Variants in ADAMTS9 observed in about 807,000 individuals in gnomAD.
The protein encoded by ADAMTS9 is A disintegrin and metalloproteinase with thrombospondin motifs 9.
In ADAMTS9, 107 loss-of-function variants were observed where a neutral mutation model predicts 257.1. The ratio of observed to expected loss-of-function variants is 0.42; its 90% CI spans 0.36 to 0.49. The LOEUF (loss-of-function observed/expected upper bound fraction) is 0.49, where lower values mean the gene tolerates loss of function less well. Ranked by LOEUF, ADAMTS9 falls within the 20% of genes least tolerant of loss-of-function variation. The pLI, the probability that ADAMTS9 is intolerant of heterozygous loss-of-function variation, is 0.03. For synonymous variants in ADAMTS9, 982 were observed against 880.9 expected (o/e 1.11, Z -2.03); for missense variants, 2,353 against 2,469.1 (o/e 0.95, Z 1.00).
intron 3 of ADAMTS9, among the ~76,000 whole-genome samples, chr3:64,666,976 G>A (rs1436553750): frequency 6.6e-6 from 1 of 152,156 alleles, no homozygotes; most frequent in Non-Finnish European, 1.5e-5. Context: ...GGGATACCCT[G>A]TCTCAACAAA....
chr3:64,536,370 C>T (rs1281295061), intron 37 of ADAMTS9, among the ~76,000 whole-genome samples: 5 of 152,224 alleles, frequency 3.3e-5, no homozygotes, highest in Non-Finnish European at 7.3e-5. Context: ...CTAAAGGGCA[C>T]ATGAGTTGTA....
intron 28 of ADAMTS9, chr3:64,587,065 A>T (rs1055509385): frequency 6.6e-6 from 1 of 152,012 alleles, no homozygotes; most frequent in African/African-American, 2.4e-5. Context: ...ATGAACTTGA[A>T]CTCTGAGATT....
At chr3:64,518,119 G>C (rs1370763991) in intron 39 of ADAMTS9, among the ~76,000 whole-genome samples, 8 of 152,158 alleles carry the variant, frequency 5.3e-5, no homozygotes, top group Admixed American at 5.2e-4. Flanking sequence ...CATGGTGTAG[G>C]GGGCAATGAT....
At chr3:64,629,677 T>C (rs1700318642) in intron 16 of ADAMTS9, among the ~76,000 whole-genome samples, 1 of 152,256 alleles carries the variant, frequency 6.6e-6, no homozygotes, top group Admixed American at 6.5e-5. Flanking sequence ...TTACTGTTTA[T>C]TGCCTATTGT....
intron 28 of ADAMTS9, among the ~76,000 whole-genome samples, chr3:64,569,465 C>T (rs567992381): frequency 1.6e-4 from 25 of 152,162 alleles, no homozygotes; most frequent in Admixed American, 3.9e-4. Context: ...AATGTGAAAA[C>T]GCAATGAAAA....
Position 64,607,227 on chromosome 3 carries a change from C to T in ADAMTS9, c.3355-148G>A, listed in dbSNP as rs200021494. The T allele has an allele frequency of 6.1e-5, 56 of 915,364 alleles. No homozygotes were observed. In the East Asian group the frequency reaches 1.3e-3, roughly 21 times the overall value. The allele number at this position is 915,364 out of a possible 1,614,324, so 56.7% of individuals were successfully genotyped here. On this transcript the variant is annotated intron_variant, in intron 22 of 39. Coordinates refer to ENST00000498707, the MANE Select transcript of ADAMTS9 (RefSeq NM_182920.2). ...AATAAACTAGGTCGAAGTGGGCAAT[C>T]CTGCTCTGTACAAATTATACTGATT...
chr3:64,546,251 T>TTC (rs2106921818), intron 32 of ADAMTS9, among the ~76,000 whole-genome samples: 1 of 152,340 alleles, frequency 6.6e-6, no homozygotes, highest in African/African-American at 2.4e-5. Flanking sequence ...ATTTTTTTTT[T>TTC]TTCAGATTTG....
At chr3:64,539,850 G>A (rs2083098288) in intron 36 of ADAMTS9, among the ~76,000 whole-genome samples, 1 of 152,218 alleles carries the variant, frequency 6.6e-6, no homozygotes, top group African/African-American at 2.4e-5. Context: ...GGGCTAGCCT[G>A]TAATTTTTTA....
chr3:64,626,893 C>T (rs77642808), intron 16 of ADAMTS9, among the ~76,000 whole-genome samples: 1 of 152,062 alleles, frequency 6.6e-6, no homozygotes, highest in Non-Finnish European at 1.5e-5. Context: ...GCTCCTGCAG[C>T]GCGAGACCCA....
chr3:64,648,680 T>G (rs1195044263), intron 10 of ADAMTS9, among the ~76,000 whole-genome samples: 1 of 152,216 alleles, frequency 6.6e-6, no homozygotes, highest in Non-Finnish European at 1.5e-5. Flanking sequence ...TTTCTGTAGC[T>G]TTTTCTCCCC....
Position 64,687,014 on chromosome 3 carries a change from T to C in ADAMTS9, c.116-46A>G. 6.4e-7 allele frequency: 1 copy of C among 1,562,408 alleles called. No individual in the cohort carries two copies. The highest frequency in any genetic ancestry group is 1.7e-4 in the Middle Eastern group (1 of 5,780). On this transcript the variant is annotated intron_variant, in intron 1 of 39. Transcript: ENST00000498707. The surrounding 1 kb of genome is among the most constrained non-coding windows in gnomAD (Gnocchi z 4.4). ...ATATGAACCAATAATTCATTTTTCC[T>C]TAAGCTTTAATTTAAAACGAAGGTG...
intron 38 of ADAMTS9, among the ~76,000 whole-genome samples, chr3:64,528,923 G>C (rs2082944079): frequency 6.6e-6 from 1 of 151,998 alleles, no homozygotes; most frequent in African/African-American, 2.4e-5. Flanking sequence ...GGCAGAGCCA[G>C]TGGGCACAGA....
In ADAMTS9 at chr3:64,658,719, G is replaced by A. The variant is rs1701147410; in HGVS notation, c.752C>T (p.Ala251Val). The A allele has an allele frequency of 1.9e-6, 3 of 1,614,010 alleles. No homozygotes were observed. The highest frequency in any genetic ancestry group is 2.5e-6 in the Non-Finnish European group (3 of 1,180,028). ...ARKWGERINL[A>V]GDVAALNSGL... is the part of the protein sequence containing the mutation. ...GCTGTTTAATGCTGCTACGTCACCA[G>A]CCAGGTTAATCCTTTCTCCCCATTT... Residue 251 changes from alanine (A) to valine (V), a missense_variant, in exon 4 of 40, where the codon GCT becomes GTT. Ala to Val is a moderately conservative substitution (Grantham distance 64). Around this residue, in one of 3 missense-constraint regions of ADAMTS9, gnomAD observed 591 missense variants for 569.6 expected, o/e 1.04. Coordinates refer to ENST00000498707, the MANE Select transcript of ADAMTS9 (RefSeq NM_182920.2).
At chr3:64,628,441 T>C (rs1317411236) in intron 16 of ADAMTS9, among the ~76,000 whole-genome samples, 2 of 152,192 alleles carry the variant, frequency 1.3e-5, no homozygotes, top group Admixed American at 6.5e-5. Flanking sequence ...AATTAATTTA[T>C]AAAGCAGGCT....
intron 4 of ADAMTS9, 140 bp from the exon 5 acceptor site, chr3:64,656,015 TCAACAA>T (rs1241492150): frequency 3.6e-6 from 2 of 558,332 alleles, no homozygotes; most frequent in East Asian, 5.9e-5. Context: ...TTTCATTCAC[TCAACAA>T]CACTTTTTGT....
intron 3 of ADAMTS9, among the ~76,000 whole-genome samples, chr3:64,677,268 C>G (rs1559823970): frequency 6.6e-6 from 1 of 151,960 alleles, no homozygotes; most frequent in Non-Finnish European, 1.5e-5. Flanking sequence ...CATCGTGAAC[C>G]CTAAAGAACT....
Position 64,658,708 on chromosome 3 carries a change from C to T in ADAMTS9, c.763G>A (p.Ala255Thr). 1 of 1,614,166 alleles carries T rather than the reference C, an allele frequency of 6.2e-7. No homozygotes were observed. Among genetic ancestry groups the T allele is most frequent in the Non-Finnish European group, 8.5e-7 (1 of 1,180,032 alleles). Residue 255 changes from alanine (A) to threonine (T), a missense_variant, in exon 4 of 40, where the codon GCA becomes ACA. Physicochemically the swap from Ala to Thr is moderately conservative, Grantham distance 58 (BLOSUM62 0). Transcript: ENST00000498707. ...GERINLAGDVAALNSGLATEA... is the reference protein window; with the variant it reads ...GERINLAGDVTALNSGLATEA... ...GTTGCTAAGCCGCTGTTTAATGCTG[C>T]TACGTCACCAGCCAGGTTAATCCTT... is the stretch of plus-strand genomic sequence containing the variant.
chr3:64,610,003 C>T (rs1056362730), intron 22 of ADAMTS9, among the ~76,000 whole-genome samples: 3 of 152,052 alleles, frequency 2.0e-5, no homozygotes, highest in African/African-American at 7.2e-5. Flanking sequence ...AGTGCCAAGA[C>T]CACTCAATGG....
intron 37 of ADAMTS9, among the ~76,000 whole-genome samples, chr3:64,533,786 C>T (rs1368124303): frequency 6.6e-6 from 1 of 152,180 alleles, no homozygotes; most frequent in Non-Finnish European, 1.5e-5. Context: ...GGCGCTTTCC[C>T]CAGGACGGTC....
Sources: gnomAD v4.1 joint callset for allele counts (sites outside exome capture counted in the v4.1 genomes callset) on GRCh38, gnomAD v4.1.1 for gene constraint, gnomAD v4.1.1 regional missense constraint, Gnocchi (gnomAD v3.1) non-coding constraint, MANE v1.5 for transcripts, NCBI Gene and HGNC (gene_info 2026-07-23, HGNC 2026-07-21) for gene names.